The following GALT variants were observed in gnomAD, a reference collection of about 807,000 sequenced individuals.
GALT encodes the protein galactose-1-phosphate uridylyltransferase.
GALT carries 42 observed loss-of-function variants against 55.4 expected under a neutral mutation model. The ratio of observed to expected loss-of-function variants is 0.76; its 90% confidence interval spans 0.59 to 0.98. The LOEUF (loss-of-function observed/expected upper bound fraction) is 0.98. Among genes scored for constraint, GALT ranks in the 50% least tolerant of loss-of-function variants. The pLI is 0.00. For synonymous variants in GALT, 154 were observed against 181.5 expected, an observed-to-expected ratio of 0.85 and a Z score of 1.22; for missense variants, 407 against 495.7, an observed-to-expected ratio of 0.82 and a Z score of 1.70.
Position 34,647,637 on chromosome 9 carries a change from G to C in GALT, c.329-20G>C, listed in dbSNP as rs753633826. On this transcript the variant is annotated intron_variant, in intron 3 of 10. Transcript: ENST00000378842. This position sits in a 1 kb window ranked among gnomAD's most constrained non-coding sequence, Gnocchi z 5.6. ...TCTTGAGGGACTTCTGCTGCAGAGA[G>C]TGATACTCCTTTACCTCAGGACCCA... is the stretch of plus-strand genomic sequence containing the variant. The C allele has an allele frequency of 6.2e-7, 1 of 1,614,062 alleles. No homozygotes were observed. Among genetic ancestry groups the C allele is most frequent in the East Asian group, 2.2e-5 (1 of 44,898 alleles).
rs1131691837 is a variant in GALT, at chr9:34,647,163, T to C, written c.157T>C (p.Trp53Arg). The change falls in exon 2 of 11, where the codon TGG becomes CGG. Residue 53 changes from tryptophan (W) to arginine (R), a missense_variant. Physicochemically the swap from Trp to Arg is moderately radical, Grantham distance 101. Coordinates refer to ENST00000378842, the MANE Select transcript of GALT (RefSeq NM_000155.4). This position sits in a 1 kb window ranked among gnomAD's most constrained non-coding sequence, Gnocchi z 5.6. ...LVSAHRMKRP[W>R]QGQVEPQLLK... is the part of the protein sequence containing the mutation. ...GTCAGCTCACCGCATGAAGCGGCCC[T>C]GGCAGGGTCAAGTGGAGCCCCAGCT... 6.2e-7 allele frequency: 1 copy of C among 1,614,162 alleles called. No homozygotes were observed. The highest frequency in any genetic ancestry group is 8.5e-7 in the Non-Finnish European group (1 of 1,180,016).
chr9:34,649,355 C>T, intron 9 of GALT, 55 bp from the exon 10 acceptor site: 1 of 1,611,564 alleles, frequency 6.2e-7, no homozygotes, highest in Admixed American at 1.7e-5. Flanking sequence ...TAGGTGCTAA[C>T]CTGGATAACT....
rs1192320506 is a variant in GALT at position 34,650,160 on chromosome 9, G to A, written c.1060-209G>A. On this transcript the variant is annotated intron_variant, in intron 10 of 10. Transcript: ENST00000378842. ...TAGCCAGGTATGGTGGCATATACTT[G>A]TGGTCCCAGATACTTGGGAGGCTGA... 4 of 578,512 alleles carry A rather than the reference G, an allele frequency of 6.9e-6. No homozygotes were observed. In the African/African-American group the frequency reaches 7.5e-5, roughly 11 times the overall value. 35.8% of individuals were successfully genotyped at this position (578,512 alleles called of 1,614,324 possible). A position where few individuals can be genotyped will look rare whatever the true frequency, so the allele number is the denominator to read the frequency against.
At position 34,648,376 on chromosome 9, in the gene GALT, G is replaced by A. The variant is rs111033736; in HGVS notation, c.607G>A (p.Glu203Lys). 1.4e-5 allele frequency: 23 copies of A among 1,614,078 alleles called. No homozygotes were observed. Among genetic ancestry groups the A allele is most frequent in the South Asian group, 2.2e-5 (2 of 91,092 alleles). The change falls in exon 7 of 11, where the codon GAG becomes AAG. Residue 203 changes from glutamate to lysine, a missense_variant. By Grantham distance (56) the Glu-to-Lys change is moderately conservative. Transcript: ENST00000378842. The surrounding 1 kb of genome is among the most constrained non-coding windows in gnomAD (Gnocchi z 4.9). Reference protein sequence around the residue: ...SFLPDIAQREERSQQAYKSQH... With the variant: ...SFLPDIAQREKRSQQAYKSQH... ...CCTGCCAGATATTGCCCAGCGTGAG[G>A]AGCGATCTCAGCAGGCCTATAAGAG...
intron 1 of GALT, 22 bp downstream of exon 1, chr9:34,646,808 C>T (rs1287572623): frequency 1.2e-6 from 2 of 1,612,998 alleles, no homozygotes; most frequent in Admixed American, 1.7e-5. Context: ...GCGGCAGGGA[C>T]TCGCTGGGGC....
intron 10 of GALT, chr9:34,649,895 C>T (rs1035990927): frequency 3.2e-6 from 1 of 314,858 alleles, no homozygotes; most frequent in African/African-American, 2.1e-5. Flanking sequence ...CACAATCCCA[C>T]AGGCCCACCC....
Position 34,648,063 on chromosome 9 carries a change from G to A in GALT, c.508-52G>A. ...GTTTCCACAGGGTGTGGTCAGGAGGGAGTTGACTTGGTGTCTTTTGGCTAA... is the reference window on the plus strand; with the variant it reads ...GTTTCCACAGGGTGTGGTCAGGAGGAAGTTGACTTGGTGTCTTTTGGCTAA... On this transcript the variant is annotated intron_variant, in intron 5 of 10. Transcript: ENST00000378842. The surrounding 1 kb of genome is among the most constrained non-coding windows in gnomAD (Gnocchi z 4.9). The A allele has an allele frequency of 6.2e-7, 1 of 1,614,148 alleles. No individual in the cohort carries two copies. Among genetic ancestry groups the A allele is most frequent in the Admixed American group, 1.7e-5 (1 of 60,032 alleles).
Position 34,647,268 on chromosome 9 carries a change from T to C in GALT, c.252+10T>C, listed in dbSNP as rs2132341894. 1 of 1,614,008 alleles carries C rather than the reference T, an allele frequency of 6.2e-7. No homozygotes were observed. The highest frequency in any genetic ancestry group is 8.5e-7 in the Non-Finnish European group (1 of 1,179,942). On this transcript the variant is annotated intron_variant, in intron 2 of 10. Coordinates refer to ENST00000378842, the MANE Select transcript of GALT (RefSeq NM_000155.4). The surrounding 1 kb of genome is among the most constrained non-coding windows in gnomAD (Gnocchi z 5.6). ...CCGAGCCAACGGAGAGGTAAGCCTG[T>C]AGAGCCCTGCATCTGCAGGCTGGGC...
At position 34,648,623 on chromosome 9, in the gene GALT, C is replaced by G; in HGVS notation, c.688-139C>G. Reference sequence around the variant, plus strand: ...AGGAAAGATGATGGTGACTTAGACTCGGGTGGTTAGTGGTAGAGGTGGTGA... The same window carrying G: ...AGGAAAGATGATGGTGACTTAGACTGGGGTGGTTAGTGGTAGAGGTGGTGA... On this transcript the variant is annotated intron_variant, in intron 7 of 10. Coordinates refer to ENST00000378842, the MANE Select transcript of GALT (RefSeq NM_000155.4). This position sits in a 1 kb window ranked among gnomAD's most constrained non-coding sequence, Gnocchi z 4.9. 6.8e-7 allele frequency: 1 copy of G among 1,479,506 alleles called. No homozygotes were observed. Among genetic ancestry groups the G allele is most frequent in the Non-Finnish European group, 9.4e-7 (1 of 1,065,634 alleles). 91.6% of individuals were successfully genotyped at this position (1,479,506 alleles called of 1,614,324 possible).
In GALT at chr9:34,647,981, C is replaced by A. The variant is rs1188152678; in HGVS notation, c.507+20C>A. ...GTGCAGGTTTGTGAGGTCGCCCCTT[C>A]CCCTGGATGGGCAGGGAGGGGGTGA... On this transcript the variant is annotated intron_variant, in intron 5 of 10. Transcript: ENST00000378842. The surrounding 1 kb of genome is among the most constrained non-coding windows in gnomAD (Gnocchi z 5.6). 6.2e-7 allele frequency: 1 copy of A among 1,614,038 alleles called. No individual in the cohort carries two copies. The highest frequency in any genetic ancestry group is 1.7e-5 in the Admixed American group (1 of 60,004).
chr9:34,649,154 G>T (rs1463479668), intron 9 of GALT, 73 bp downstream of exon 9: 12 of 1,462,002 alleles, frequency 8.2e-6, no homozygotes, highest in Non-Finnish European at 1.2e-5. Context: ...CTAGTGAACT[G>T]CAACCTCAAA....
In GALT at chr9:34,647,243, C is replaced by G; in HGVS notation, c.237C>G (p.Ile79Met). The change falls in exon 2 of 11, where the codon ATC (isoleucine) becomes ATG (methionine). Residue 79 changes from isoleucine to methionine, a missense_variant. By Grantham distance (10) the Ile-to-Met change is conservative. Transcript: ENST00000378842. The surrounding 1 kb of genome is among the most constrained non-coding windows in gnomAD (Gnocchi z 5.6). The part of the protein sequence containing the change: ...DPLNPLCPGA[I>M]RANGEVNPQY... Reference sequence around the variant, plus strand: ...TCAACCCTCTGTGTCCTGGGGCCATCCGAGCCAACGGAGAGGTAAGCCTGT... The same window carrying G: ...TCAACCCTCTGTGTCCTGGGGCCATGCGAGCCAACGGAGAGGTAAGCCTGT... 6.2e-7 allele frequency: 1 copy of G among 1,614,098 alleles called. No individual in the cohort carries two copies. The highest frequency in any genetic ancestry group is 8.5e-7 in the Non-Finnish European group (1 of 1,179,982).
chr9:34,648,665 G>A lies in GALT; in HGVS notation c.688-97G>A. ...AGGTGGTGAGAAGACATCAGATCCT[G>A]GGCACATTCTTTTCTTCTGCTTCCC... On this transcript the variant is annotated intron_variant, in intron 7 of 10. Transcript: ENST00000378842. The surrounding 1 kb of genome is among the most constrained non-coding windows in gnomAD (Gnocchi z 4.9). 1 of 1,541,458 alleles carries A rather than the reference G, an allele frequency of 6.5e-7. No homozygotes were observed. Among genetic ancestry groups the A allele is most frequent in the Non-Finnish European group, 8.9e-7 (1 of 1,121,726 alleles).
At position 34,648,915 on chromosome 9, in the gene GALT, C is replaced by G; in HGVS notation, c.820+21C>G. On this transcript the variant is annotated intron_variant, in intron 8 of 10. Coordinates refer to ENST00000378842, the MANE Select transcript of GALT (RefSeq NM_000155.4). This position sits in a 1 kb window ranked among gnomAD's most constrained non-coding sequence, Gnocchi z 4.9. ...TGATGGTCAGTCTCCCAAGTAGGAT[C>G]CTGGGGCTAGGCACTGGATGGAGGT... is the stretch of plus-strand genomic sequence containing the variant. 6.2e-7 allele frequency: 1 copy of G among 1,613,770 alleles called. No homozygotes were observed. Among genetic ancestry groups the G allele is most frequent in the Non-Finnish European group, 8.5e-7 (1 of 1,180,022 alleles).
At position 34,647,408 on chromosome 9, in the gene GALT, C is replaced by T; in HGVS notation, c.253-84C>T. Reference sequence around the variant, plus strand: ...CCCTAGGGTGGGCCTTCCCTACTCCCTTGTAGCCTGTCCAGTCTTTGAAGC... The same window carrying T: ...CCCTAGGGTGGGCCTTCCCTACTCCTTTGTAGCCTGTCCAGTCTTTGAAGC... On this transcript the variant is annotated intron_variant, in intron 2 of 10. Transcript: ENST00000378842. The surrounding 1 kb of genome is among the most constrained non-coding windows in gnomAD (Gnocchi z 5.6). The T allele has an allele frequency of 6.3e-7, 1 of 1,575,728 alleles. No individual in the cohort carries two copies. The highest frequency in any genetic ancestry group is 1.1e-5 in the South Asian group (1 of 90,280).
chr9:34,647,507 G>C lies in GALT; in HGVS notation c.268G>C (p.Asp90His), dbSNP rs201330799. 7.4e-6 allele frequency: 12 copies of C among 1,614,128 alleles called. No homozygotes were observed. The African/African-American group carries it at 1.1e-4, about 14-fold the overall frequency. Reference sequence around the variant, plus strand: ...TTGTCGGTAGGTGAATCCCCAGTACGATAGCACCTTCCTGTTTGACAACGA... The same window carrying C: ...TTGTCGGTAGGTGAATCCCCAGTACCATAGCACCTTCCTGTTTGACAACGA... ...RANGEVNPQY[D>H]STFLFDNDFP... The change falls in exon 3 of 11, where the codon GAT (aspartate) becomes CAT (histidine). Residue 90 changes from aspartate to histidine, a missense_variant. Coordinates refer to ENST00000378842, the MANE Select transcript of GALT (RefSeq NM_000155.4). The surrounding 1 kb of genome is among the most constrained non-coding windows in gnomAD (Gnocchi z 5.6).
Position 34,646,903 on chromosome 9 carries a change from G to T in GALT, c.82+117G>T, listed in dbSNP as rs1007418263. On this transcript the variant is annotated intron_variant, in intron 1 of 10. Transcript: ENST00000378842. ...TCATCCCGAGCCAGACCGACAAGGC[G>T]TACAGTCTGCAGGCCTGTACGAGCA... is the stretch of plus-strand genomic sequence containing the variant. 8 of 1,607,492 alleles carry T rather than the reference G, an allele frequency of 5.0e-6. No homozygotes were observed. In the South Asian group the frequency reaches 6.6e-5, roughly 13 times the overall value.
At chr9:34,650,039 G>A in intron 10 of GALT, 1 of 359,960 alleles carries the variant, frequency 2.8e-6, no homozygotes, top group Non-Finnish European at 5.2e-6. Context: ...CAGCACTTTG[G>A]GAGGTCAAGA....
In GALT at chr9:34,646,710, G is replaced by A. The variant is rs1410764100; in HGVS notation, c.6G>A (p.Ser2=). The change falls in exon 1 of 11, where the codon TCG becomes TCA. Residue 2 remains serine (S), a synonymous_variant. Coordinates refer to ENST00000378842, the MANE Select transcript of GALT (RefSeq NM_000155.4). M[S]RSGTDPQQRQ... is the part of the protein sequence containing the mutation. ...GCGGATCCCCCGGTGGCCTCATGTCGCGCAGTGGAACCGATCCTCAGCAAC... is the reference window on the plus strand; with the variant it reads ...GCGGATCCCCCGGTGGCCTCATGTCACGCAGTGGAACCGATCCTCAGCAAC... 13 of 1,613,776 alleles carry A rather than the reference G, an allele frequency of 8.1e-6. No homozygotes were observed. The East Asian group carries it at 2.7e-4, about 33-fold the overall frequency.
Sources: allele counts gnomAD v4.1 joint callset, GRCh38; gene constraint gnomAD v4.1.1; non-coding constraint Gnocchi (gnomAD v3.1); transcripts MANE v1.5; gene names NCBI Gene and HGNC (gene_info 2026-07-23, HGNC 2026-07-21).